TIAM1: variants seen among roughly 807,000 people sequenced by gnomAD.
TIAM1 encodes TIAM Rac1 associated GEF 1, also known as rho guanine nucleotide exchange factor TIAM1.
TIAM1 carries 65 observed loss-of-function variants against 163.5 expected under a neutral mutation model. The observed-to-expected ratio is 0.40, with a 90% CI of 0.33 to 0.49. TIAM1 has a LOEUF of 0.49. Among genes scored for constraint, TIAM1 ranks in the 20% least tolerant of loss-of-function variants. TIAM1 has a pLI of 0.77. For synonymous variants in TIAM1, 833 were observed against 810.1 expected, an observed-to-expected ratio of 1.03 and a Z score of -0.48; for missense variants, 1,789 against 2,044.7, an observed-to-expected ratio of 0.87 and a Z score of 2.41.
At chr21:31,450,972 C>CA (rs900259661) in intron 2 of TIAM1, among the ~76,000 whole-genome samples, 5 of 151,304 alleles carry the variant, frequency 3.3e-5, no homozygotes, top group Non-Finnish European at 7.4e-5. Context: ...AAGAGTCTAT[C>CA]AAAACAGTCC....
intron 1 of TIAM1, among the ~76,000 whole-genome samples, chr21:31,503,535 AGAAG>A (rs1336957794): frequency 1.6e-4 from 16 of 101,294 alleles, no homozygotes; most frequent in South Asian, 1.4e-3. Context: ...AAGGAAGGAA[AGAAG>A]GAAGGAAGGA....
intron 2 of TIAM1, among the ~76,000 whole-genome samples, chr21:31,427,896 A>C (rs1202586979): frequency 6.6e-6 from 1 of 152,166 alleles, no homozygotes; most frequent in Non-Finnish European, 1.5e-5. Flanking sequence ...AAAGGGAACG[A>C]AAAACTTTTT....
At chr21:31,348,005 A>T (rs1291220837), upstream of TIAM1, among the ~76,000 whole-genome samples, 2 of 152,240 alleles carry the variant, frequency 1.3e-5, no homozygotes, top group East Asian at 3.9e-4. Flanking sequence ...TCCCTTTGTC[A>T]AGTGGATTTA....
intron 15 of TIAM1, among the ~76,000 whole-genome samples, chr21:31,172,351 C>T (rs939085429): frequency 6.6e-6 from 1 of 152,062 alleles, no homozygotes; most frequent in African/African-American, 2.4e-5. Flanking sequence ...ATTTCCTACT[C>T]TAGCTTCCCC....
At chr21:31,519,490 C>A (rs1480209695) in intron 1 of TIAM1, among the ~76,000 whole-genome samples, 2 of 119,522 alleles carry the variant, frequency 1.7e-5, no homozygotes, top group African/African-American at 6.5e-5. Context: ...GCCTGAGCCA[C>A]AGAGCGAGAT....
intron 2 of TIAM1, among the ~76,000 whole-genome samples, chr21:31,300,704 G>A (rs982427911): frequency 1.3e-5 from 2 of 152,174 alleles, no homozygotes; most frequent in Non-Finnish European, 2.9e-5. Context: ...TCTTCTAAAC[G>A]TAAGTAACTA....
At chr21:31,185,423 TTATA>T (rs200592815) in intron 14 of TIAM1, among the ~76,000 whole-genome samples, 25,362 of 142,614 alleles carry the variant, frequency 0.18, 3,419 homozygotes, top group African/African-American at 0.37. Context: ...TATAATTATG[TTATA>T]TAATTATATA....
upstream of TIAM1, among the ~76,000 whole-genome samples, chr21:31,347,067 T>A (rs1385146064): frequency 6.6e-6 from 1 of 152,158 alleles, no homozygotes; most frequent in Non-Finnish European, 1.5e-5. Context: ...ACGCAATACA[T>A]ACATGTTGGA....
intron 11 of TIAM1, among the ~76,000 whole-genome samples, chr21:31,205,886 T>C (rs2146534896): frequency 6.6e-6 from 1 of 152,230 alleles, no homozygotes; most frequent in East Asian, 1.9e-4. Context: ...GAGGATTGCT[T>C]GAGCCTGGGA....
At chr21:31,378,304 C>A (rs2076723576) in intron 2 of TIAM1, among the ~76,000 whole-genome samples, 1 of 152,034 alleles carries the variant, frequency 6.6e-6, no homozygotes, top group Admixed American at 6.6e-5. Context: ...AGCCAGGAGG[C>A]ACCTTATGTC....
At chr21:31,172,096 A>C (rs1440722459) in intron 15 of TIAM1, among the ~76,000 whole-genome samples, 1 of 152,134 alleles carries the variant, frequency 6.6e-6, no homozygotes, top group African/African-American at 2.4e-5. Context: ...GATAACCAAT[A>C]AGTGGTGAGG....
chr21:31,470,017 T>G (rs1013998979), intron 1 of TIAM1, among the ~76,000 whole-genome samples: 3 of 136,024 alleles, frequency 2.2e-5, no homozygotes, highest in Non-Finnish European at 4.8e-5. Context: ...TTTTTTTTTT[T>G]TTCTGAGACA....
chr21:31,414,145 G>A (rs2043297350), intron 2 of TIAM1, among the ~76,000 whole-genome samples: 1 of 152,176 alleles, frequency 6.6e-6, no homozygotes, highest in Non-Finnish European at 1.5e-5. Context: ...TTCCAGAGTT[G>A]CGGAGAAAAA....
chr21:31,473,013 C>G (rs11088174), intron 1 of TIAM1, among the ~76,000 whole-genome samples: 12,708 of 152,178 alleles, frequency 0.084, 571 homozygotes, highest in Admixed American at 0.1. Context: ...GACCCTGGTA[C>G]CAAAGATGCA....
At chr21:31,494,806 G>A (rs554166215) in intron 1 of TIAM1, among the ~76,000 whole-genome samples, 2 of 151,988 alleles carry the variant, frequency 1.3e-5, no homozygotes, top group African/African-American at 4.8e-5. Flanking sequence ...TCGCACCACT[G>A]AACTCCAGCC....
At position 31,404,673 on chromosome 21, in the gene TIAM1, T is replaced by C. The variant is rs143088487; in HGVS notation, c.-369+59310A>G. Among the ~76,000 whole-genome samples, 224 of 152,172 alleles carry C rather than the reference T, an allele frequency of 1.5e-3. 2 individuals carry two copies. The East Asian group carries it at 0.026, about 18-fold the overall frequency. ...TTGAGCTACCACTTCCACCTATTTATTGTCTGCAATTCTGTGACTTGCATT... is the reference window on the plus strand; with the variant it reads ...TTGAGCTACCACTTCCACCTATTTACTGTCTGCAATTCTGTGACTTGCATT... On this transcript the variant is annotated intron_variant, in intron 2 of 28. Transcript: ENST00000286827.
chr21:31,303,004 C>G (rs2074560807), intron 2 of TIAM1, among the ~76,000 whole-genome samples: 2 of 152,184 alleles, frequency 1.3e-5, no homozygotes, highest in South Asian at 4.1e-4. Flanking sequence ...CTGGCAAACT[C>G]TGATGTGTAA....
At chr21:31,356,884 G>C (rs924771982) in intron 2 of TIAM1, among the ~76,000 whole-genome samples, 2 of 152,220 alleles carry the variant, frequency 1.3e-5, no homozygotes, top group Non-Finnish European at 2.9e-5. Flanking sequence ...GGGACACTGA[G>C]ACAGGAGGAT....
intron 6 of TIAM1, among the ~76,000 whole-genome samples, chr21:31,234,748 C>T (rs971680111): frequency 1.3e-5 from 2 of 150,054 alleles, no homozygotes; most frequent in Non-Finnish European, 3.0e-5. Flanking sequence ...TACCACTGCA[C>T]TCCAGCCTGG....
Sources: allele counts gnomAD v4.1 joint callset (sites outside exome capture counted in the v4.1 genomes callset), GRCh38; gene constraint gnomAD v4.1.1; transcripts MANE v1.5; gene names NCBI Gene and HGNC (gene_info 2026-07-23, HGNC 2026-07-21).